Variants in TMEM135 observed in about 807,000 individuals in gnomAD.
The protein encoded by TMEM135 is transmembrane protein 135.
TMEM135 carries 30 observed loss-of-function variants against 60.3 expected under a neutral mutation model. That is an observed-to-expected ratio of 0.50 (90% CI 0.37 to 0.68). TMEM135 has a LOEUF of 0.68. TMEM135 is among the 30% of genes least tolerant of loss of function. The pLI, the probability that TMEM135 is intolerant of heterozygous loss-of-function variation, is 0.00. For synonymous variants in TMEM135, 190 were observed against 186.7 expected (o/e 1.02, Z -0.14); for missense variants, 468 against 548.8 (o/e 0.85, Z 1.47).
chr11:87,305,792 T>TAAAGAAAGAAAG (rs1373417867), intron 8 of TMEM135, 144 bp from the exon 9 acceptor site: 1 of 356,812 alleles, frequency 2.8e-6, no homozygotes, highest in African/African-American at 2.3e-5. Flanking sequence ...AATAAATAAA[T>TAAAGAAAGAAAG]AAATAAATAA....
intron 4 of TMEM135, among the ~76,000 whole-genome samples, chr11:87,145,319 C>T (rs936200505): frequency 6.6e-6 from 1 of 152,064 alleles, no homozygotes; most frequent in Non-Finnish European, 1.5e-5. Flanking sequence ...TTTCTTTATC[C>T]ATTCATCTGT....
intron 6 of TMEM135, among the ~76,000 whole-genome samples, chr11:87,285,991 C>G (rs1047344190): frequency 6.6e-6 from 1 of 151,872 alleles, no homozygotes; most frequent in Non-Finnish European, 1.5e-5. Context: ...TTCTCCAAGT[C>G]CTCACCAGAT....
chr11:87,199,329 C>CCT (rs1940041538), intron 5 of TMEM135, among the ~76,000 whole-genome samples: 1 of 152,160 alleles, frequency 6.6e-6, no homozygotes, highest in South Asian at 2.1e-4. Context: ...CTTGTATTGA[C>CCT]CTCTCCAAGA....
intron 6 of TMEM135, among the ~76,000 whole-genome samples, chr11:87,250,408 A>C (rs1380256729): frequency 6.6e-6 from 1 of 151,652 alleles, no homozygotes; most frequent in Non-Finnish European, 1.5e-5. Context: ...CTGCTTTTTG[A>C]TGTAGGTGCT....
intron 4 of TMEM135, among the ~76,000 whole-genome samples, chr11:87,129,242 TTTTTTTTTTTTTTTTTTTG>T (rs1937833794): frequency 6.8e-5 from 1 of 14,696 alleles, no homozygotes; most frequent in Non-Finnish European, 1.4e-4. Context: ...TTTTTTTTTT[TTTTTTTTTTTTTTTTTTTG>T]AGACGGAGTC....
chr11:87,125,214 G>C (rs1363575968), intron 4 of TMEM135, among the ~76,000 whole-genome samples: 1 of 152,186 alleles, frequency 6.6e-6, no homozygotes, highest in Admixed American at 6.5e-5. Flanking sequence ...TTTGAGGCCA[G>C]GGCACAGATA....
chr11:87,250,477 G>T (rs934416418), intron 6 of TMEM135, among the ~76,000 whole-genome samples: 2 of 151,716 alleles, frequency 1.3e-5, no homozygotes, highest in African/African-American at 2.4e-5. Context: ...TTGGTTTGTT[G>T]TGTTTCCATT....
intron 6 of TMEM135, among the ~76,000 whole-genome samples, chr11:87,242,762 A>G (rs1253387604): frequency 7.1e-6 from 1 of 140,856 alleles, no homozygotes; most frequent in East Asian, 2.0e-4. Flanking sequence ...GCCCTTTGTC[A>G]GATGAGTAGG....
intron 4 of TMEM135, among the ~76,000 whole-genome samples, chr11:87,142,632 A>G (rs1396133397): frequency 1.3e-5 from 2 of 151,914 alleles, no homozygotes; most frequent in African/African-American, 2.4e-5. Flanking sequence ...TGATGTGTCC[A>G]TGTGCGAATT....
intron 5 of TMEM135, among the ~76,000 whole-genome samples, chr11:87,213,076 C>T (rs1014061548): frequency 1.3e-5 from 2 of 151,972 alleles, no homozygotes; most frequent in South Asian, 4.2e-4. Flanking sequence ...GCTTACATTC[C>T]AAAGAGAGTA....
At position 87,067,706 on chromosome 11, in the gene TMEM135, C is replaced by T; in HGVS notation, c.154C>T (p.Leu52Phe). The change falls in exon 2 of 15, where the codon CTC becomes TTC. Residue 52 changes from leucine to phenylalanine, a missense_variant. Leu to Phe is a conservative substitution (Grantham distance 22). Transcript: ENST00000305494. ...YAPLYLIAAI[L>F]RKRKLDYYLH... Reference sequence around the variant, plus strand: ...TTTCTCTTTCCAGATTGCAGCAATTCTCCGGAAACGGAAATTAGACTATTA... The same window carrying T: ...TTTCTCTTTCCAGATTGCAGCAATTTTCCGGAAACGGAAATTAGACTATTA... 1 of 1,613,766 alleles carries T rather than the reference C, an allele frequency of 6.2e-7. No individual in the cohort carries two copies. The highest frequency in any genetic ancestry group is 8.5e-7 in the Non-Finnish European group (1 of 1,179,846).
chr11:87,244,774 A>C (rs1175799113), intron 6 of TMEM135, among the ~76,000 whole-genome samples: 1 of 143,172 alleles, frequency 7.0e-6, no homozygotes, highest in Non-Finnish European at 1.5e-5. Flanking sequence ...GCGGTCTATC[A>C]ATTTTTTTGA....
Position 87,322,780 on chromosome 11 carries a change from A to G in TMEM135, c.*1447A>G, listed in dbSNP as rs186843684. 4.8e-4 allele frequency: 218 copies of G among 454,282 alleles called. No individual in the cohort carries two copies. Among genetic ancestry groups the G allele is most frequent in the African/African-American group, 4.1e-3 (203 of 50,078 alleles). 28.1% of individuals were successfully genotyped at this position (454,282 alleles called of 1,614,324 possible). On this transcript the variant is annotated 3_prime_UTR_variant, in exon 15 of 15. Transcript: ENST00000305494. ...TCCTTGGTTGTTATGGCAAACAGAA[A>G]CCCAACAAAAAGACAGACTCTGGTA...
intron 6 of TMEM135, among the ~76,000 whole-genome samples, chr11:87,251,823 A>G (rs770308417): frequency 2.0e-5 from 3 of 152,234 alleles, no homozygotes; most frequent in Non-Finnish European, 4.4e-5. Context: ...CGCAGAGTTA[A>G]GAGTAGTGAT....
In TMEM135 at chr11:87,326,911, CTTTTTTT is replaced by C. The variant is rs11332885; in HGVS notation, c.*5591_*5597del. ...AGGCATCATTGAATCATCTGAGGAC[CTTTTTTT>C]TTTTTTTTTTTTCACTAAAACGCTT... On this transcript the variant is annotated 3_prime_UTR_variant, in exon 15 of 15. Coordinates refer to ENST00000305494, the MANE Select transcript of TMEM135 (RefSeq NM_022918.4). 5 of 391,598 alleles carry C rather than the reference CTTTTTTT, an allele frequency of 1.3e-5. No individual in the cohort carries two copies. The highest frequency in any genetic ancestry group is 3.6e-5 in the South Asian group (2 of 55,122). 24.3% of individuals were successfully genotyped at this position (391,598 alleles called of 1,614,324 possible). A position where few individuals can be genotyped will look rare whatever the true frequency, so the allele number is the denominator to read the frequency against.
At chr11:87,293,959 C>CTAAT (rs1468173931) in intron 6 of TMEM135, among the ~76,000 whole-genome samples, 1 of 152,166 alleles carries the variant, frequency 6.6e-6, no homozygotes, top group East Asian at 1.9e-4. Flanking sequence ...CATGGTTGAA[C>CTAAT]TAATTTACAT....
At chr11:87,201,978 A>T (rs1031645145) in intron 5 of TMEM135, among the ~76,000 whole-genome samples, 1 of 120,910 alleles carries the variant, frequency 8.3e-6, no homozygotes, top group African/African-American at 3.5e-5. Flanking sequence ...ATGTTATGTT[A>T]TGTTATGTTA....
At chr11:87,301,552 C>T (rs1039663151) in intron 7 of TMEM135, among the ~76,000 whole-genome samples, 1 of 151,998 alleles carries the variant, frequency 6.6e-6, no homozygotes, top group Non-Finnish European at 1.5e-5. Flanking sequence ...ATGCCTGGCT[C>T]AAGTTCCAGA....
chr11:87,167,578 G>A (rs1192742639), intron 5 of TMEM135, among the ~76,000 whole-genome samples: 1 of 152,140 alleles, frequency 6.6e-6, no homozygotes, highest in Non-Finnish European at 1.5e-5. Context: ...TGTGGTTTTT[G>A]CCATTGGTTC....
Sources: gnomAD v4.1 joint callset for allele counts (sites outside exome capture counted in the v4.1 genomes callset) on GRCh38, gnomAD v4.1.1 for gene constraint, MANE v1.5 for transcripts, NCBI Gene and HGNC (gene_info 2026-07-23, HGNC 2026-07-21) for gene names.